The following TRAPPC9 variants were observed in gnomAD, a reference collection of about 807,000 sequenced individuals.
The protein encoded by TRAPPC9 is trafficking protein particle complex subunit 9.
A neutral mutation model predicts 124.0 loss-of-function variants in TRAPPC9; 83 were observed. That is an observed-to-expected ratio of 0.67 (90% CI 0.56 to 0.80). TRAPPC9 has a LOEUF of 0.80. TRAPPC9 is among the 30% of genes least tolerant of loss of function. The pLI, the probability that TRAPPC9 is intolerant of heterozygous loss-of-function variation, is 0.00. For synonymous variants in TRAPPC9, 638 were observed against 617.5 expected (o/e 1.03, Z -0.49); for missense variants, 1,302 against 1,508.3 (o/e 0.86, Z 2.27).
At chr8:140,219,699 T>G (rs1587951824) in intron 17 of TRAPPC9, among the ~76,000 whole-genome samples, 1 of 152,170 alleles carries the variant, frequency 6.6e-6, no homozygotes, top group African/African-American at 2.4e-5. Context: ...CAAACCCTGC[T>G]GTCTCCATGT....
chr8:139,834,401 A>G (rs1346776302), intron 21 of TRAPPC9, among the ~76,000 whole-genome samples: 1 of 152,220 alleles, frequency 6.6e-6, no homozygotes, highest in East Asian at 1.9e-4. Flanking sequence ...CTAATGACCT[A>G]GGACAATGAC....
At chr8:140,193,484 C>G (rs903296856) in intron 17 of TRAPPC9, among the ~76,000 whole-genome samples, 1 of 152,064 alleles carries the variant, frequency 6.6e-6, no homozygotes, top group African/African-American at 2.4e-5. Flanking sequence ...CAAAGTTGAG[C>G]TGAAAACATA....
chr8:139,838,848 C>T (rs1826535397), intron 21 of TRAPPC9, among the ~76,000 whole-genome samples: 1 of 152,232 alleles, frequency 6.6e-6, no homozygotes, highest in Non-Finnish European at 1.5e-5. Context: ...CCTCCTGCTG[C>T]TCTCCCGTCC....
chr8:139,859,916 G>A (rs1373907044), intron 21 of TRAPPC9, among the ~76,000 whole-genome samples: 1 of 152,190 alleles, frequency 6.6e-6, no homozygotes, highest in Non-Finnish European at 1.5e-5. Context: ...GACCCCTTGG[G>A]AATATGATGA....
chr8:140,332,605 A>G (rs375760116), intron 9 of TRAPPC9, among the ~76,000 whole-genome samples: 10 of 152,352 alleles, frequency 6.6e-5, no homozygotes, highest in African/African-American at 2.4e-4. Context: ...TTACTGTATC[A>G]ATTAAAAATA....
rs1817664383 is a variant in TRAPPC9 at position 139,728,567 on chromosome 8, C to T, written c.*2494G>A. ...CAGCTCCACAGCCAGAAAGACCCAG[C>T]CACAGAAATGCCAGCAAACAACACC... On this transcript the variant is annotated 3_prime_UTR_variant, in exon 23 of 23. Transcript: ENST00000438773. Among the ~76,000 whole-genome samples the T allele has an allele frequency of 1.3e-5, 2 of 152,200 alleles. No individual in the cohort carries two copies.
chr8:140,205,686 T>G (rs2062901445), intron 17 of TRAPPC9, among the ~76,000 whole-genome samples: 2 of 152,190 alleles, frequency 1.3e-5, no homozygotes, highest in African/African-American at 4.8e-5. Context: ...CCCTCTTAAA[T>G]GTAGCTCAGC....
At chr8:140,044,448 G>A (rs1191345620) in intron 17 of TRAPPC9, among the ~76,000 whole-genome samples, 2 of 152,194 alleles carry the variant, frequency 1.3e-5, no homozygotes, top group African/African-American at 2.4e-5. Flanking sequence ...AGCTTCAGTG[G>A]CAGAATTTGG....
intron 21 of TRAPPC9, among the ~76,000 whole-genome samples, chr8:139,882,649 C>G (rs1469669135): frequency 6.6e-6 from 1 of 152,136 alleles, no homozygotes; most frequent in Non-Finnish European, 1.5e-5. Context: ...AGGGAGTCAG[C>G]ACAGGGGGTA....
intron 10 of TRAPPC9, 83 bp from the exon 11 acceptor site, chr8:140,300,697 A>G (rs1308352562): frequency 3.9e-6 from 6 of 1,545,528 alleles, no homozygotes; most frequent in South Asian, 3.4e-5. Context: ...ATGATGTATC[A>G]GAAAAACAGT....
At chr8:140,141,671 T>C (rs1280111782) in intron 17 of TRAPPC9, among the ~76,000 whole-genome samples, 1 of 152,176 alleles carries the variant, frequency 6.6e-6, no homozygotes, top group Non-Finnish European at 1.5e-5. Context: ...CTTTGATTTT[T>C]AAAATCAATA....
chr8:139,846,793 C>A (rs1307609753), intron 21 of TRAPPC9, among the ~76,000 whole-genome samples: 1 of 152,154 alleles, frequency 6.6e-6, no homozygotes. Flanking sequence ...GCCCAGCAGG[C>A]CACCCACCAT....
intron 20 of TRAPPC9, among the ~76,000 whole-genome samples, chr8:139,909,921 C>T (rs535833938): frequency 4.6e-5 from 7 of 152,310 alleles, no homozygotes; most frequent in Non-Finnish European, 1.0e-4. Flanking sequence ...CCACCGGCTC[C>T]GAGAAGACCT....
chr8:140,330,838 C>CT (rs1441899509), intron 9 of TRAPPC9, among the ~76,000 whole-genome samples: 6 of 152,094 alleles, frequency 3.9e-5, no homozygotes, highest in Non-Finnish European at 8.8e-5. Context: ...AAACTTTCTG[C>CT]TTTTTTCATT....
chr8:140,278,905 G>A (rs989020035), intron 14 of TRAPPC9, among the ~76,000 whole-genome samples: 1 of 152,222 alleles, frequency 6.6e-6, no homozygotes, highest in African/African-American at 2.4e-5. Flanking sequence ...ATCTGACACT[G>A]CTTCGCAAAG....
intron 9 of TRAPPC9, among the ~76,000 whole-genome samples, chr8:140,322,095 CAA>C (rs2066611788): frequency 3.9e-5 from 6 of 152,274 alleles, no homozygotes. Flanking sequence ...GGGGCAGGAC[CAA>C]GAGAGAGCCC....
chr8:139,883,830 C>T (rs564763084), intron 21 of TRAPPC9, among the ~76,000 whole-genome samples: 2 of 152,332 alleles, frequency 1.3e-5, no homozygotes, highest in African/African-American at 4.8e-5. Context: ...GCTCTGCTCA[C>T]TCTGGAGCCC....
chr8:140,166,531 T>C (rs1303999938), intron 17 of TRAPPC9, among the ~76,000 whole-genome samples: 1 of 152,078 alleles, frequency 6.6e-6, no homozygotes, highest in Admixed American at 6.5e-5. Context: ...CAGAATATGG[T>C]TAAAGAAGGG....
chr8:140,180,363 G>A (rs2062170853), intron 17 of TRAPPC9, among the ~76,000 whole-genome samples: 1 of 151,602 alleles, frequency 6.6e-6, no homozygotes, highest in African/African-American at 2.4e-5. Flanking sequence ...TCCATCCTAT[G>A]TTTGTCATAT....
Sources: gnomAD v4.1 joint callset for allele counts (sites outside exome capture counted in the v4.1 genomes callset) on GRCh38, gnomAD v4.1.1 for gene constraint, MANE v1.5 for transcripts, NCBI Gene and HGNC (gene_info 2026-07-23, HGNC 2026-07-21) for gene names.